The following STRN3 variants were observed in gnomAD, a reference collection of about 807,000 sequenced individuals.
The protein encoded by STRN3 is striatin-3.
Under a neutral mutation model 95.6 loss-of-function variants are expected in STRN3, and 29 were observed. The observed-to-expected ratio is 0.30, with a 90% confidence interval of 0.23 to 0.41. The LOEUF is 0.41. Among genes scored for constraint, STRN3 ranks in the 10% least tolerant of loss-of-function variants. The pLI, the probability that STRN3 is intolerant of heterozygous loss-of-function variation, is 1.00. For synonymous variants in STRN3, 331 were observed against 357.6 expected, an observed-to-expected ratio of 0.93 and a Z score of 0.84; for missense variants, 890 against 972.1, an observed-to-expected ratio of 0.92 and a Z score of 1.12.
Position 30,943,483 on chromosome 14 carries a change from C to T in STRN3, c.716+3607G>A, listed in dbSNP as rs555786929. Among the ~76,000 whole-genome samples, 9 of 152,092 alleles carry T rather than the reference C, an allele frequency of 5.9e-5. 1 individual carries two copies. Among genetic ancestry groups the T allele is most frequent in the African/African-American group, 1.9e-4 (8 of 41,500 alleles). On this transcript the variant is annotated intron_variant, in intron 5 of 17. Coordinates refer to ENST00000357479, the MANE Select transcript of STRN3 (RefSeq NM_001083893.2). The stretch of plus-strand genomic sequence containing the variant: ...GGTGTGGTGGCATGTGGCTGTAGTC[C>T]CAGCTACTCTGGAGGCTGAAGTGGG...
At position 31,026,129 on chromosome 14, in the gene STRN3, C is replaced by T. The variant is rs1196736598; in HGVS notation, c.57G>A (p.Arg19=). Residue 19 remains arginine, a synonymous_variant, in exon 1 of 18, where the codon CGG becomes CGA. Transcript: ENST00000357479. ...GGTTCCCCCCAGGTCCCTGCTGCTGCCGGGGAGGGGCCGCCATCCCCGGGC... is the reference window on the plus strand; with the variant it reads ...GGTTCCCCCCAGGTCCCTGCTGCTGTCGGGGAGGGGCCGCCATCCCCGGGC... ...GGGPGMAAPP[R]QQQGPGGNLG... The T allele has an allele frequency of 4.0e-6, 6 of 1,499,566 alleles. No homozygotes were observed. The South Asian group carries it at 7.5e-5, about 19-fold the overall frequency. 92.9% of individuals were successfully genotyped at this position (1,499,566 alleles called of 1,614,324 possible). A position where few individuals can be genotyped will look rare whatever the true frequency, so the allele number is the denominator to read the frequency against.
At chr14:30,992,733 G>C (rs1882022220) in intron 1 of STRN3, among the ~76,000 whole-genome samples, 1 of 152,052 alleles carries the variant, frequency 6.6e-6, no homozygotes, top group African/African-American at 2.4e-5. Context: ...GAGTAAACTG[G>C]CCAGGTACAG....
chr14:30,911,672 C>G (rs116641230), intron 12 of STRN3, 105 bp downstream of exon 12: 8 of 1,024,702 alleles, frequency 7.8e-6, no homozygotes, highest in Non-Finnish European at 1.1e-5. Context: ...AGTAATACAT[C>G]TTTTCTAATA....
chr14:30,914,510 G>T (rs1896687257), intron 9 of STRN3, among the ~76,000 whole-genome samples: 1 of 151,962 alleles, frequency 6.6e-6, no homozygotes, highest in Non-Finnish European at 1.5e-5. Context: ...CCGCCACCAC[G>T]CCCGGCTAAT....
chr14:30,959,823 A>T (rs1445634644), intron 1 of STRN3, among the ~76,000 whole-genome samples: 1 of 151,900 alleles, frequency 6.6e-6, no homozygotes, highest in African/African-American at 2.4e-5. Context: ...AGTAACTAGG[A>T]AAAAACCACC....
In STRN3 at chr14:30,947,378, C is replaced by T. The variant is rs1425440953; in HGVS notation, c.543-115G>A. Reference sequence around the variant, plus strand: ...TATAAAATATGCTCTCCCTTTGTCTCAGTATCTTTCTTCTCTACAGACTAG... The same window carrying T: ...TATAAAATATGCTCTCCCTTTGTCTTAGTATCTTTCTTCTCTACAGACTAG... On this transcript the variant is annotated intron_variant, in intron 4 of 17. Transcript: ENST00000357479. 3.9e-6 allele frequency: 3 copies of T among 779,192 alleles called. No individual in the cohort carries two copies. The African/African-American group carries it at 5.4e-5, about 14-fold the overall frequency. 48.3% of individuals were successfully genotyped at this position (779,192 alleles called of 1,614,324 possible).
intron 1 of STRN3, among the ~76,000 whole-genome samples, chr14:31,017,368 G>A (rs966467071): frequency 2.1e-5 from 3 of 143,232 alleles, no homozygotes; most frequent in African/African-American, 5.2e-5. Context: ...GCGTGGTGGC[G>A]GGTGCCTGTA....
chr14:30,935,246 A>G lies in STRN3; in HGVS notation c.905T>C (p.Leu302Pro). 2 of 1,614,120 alleles carry G rather than the reference A, an allele frequency of 1.2e-6. No individual in the cohort carries two copies. The highest frequency in any genetic ancestry group is 1.7e-6 in the Non-Finnish European group (2 of 1,180,004). Reference sequence around the variant, plus strand: ...AGTCACTAAAAAATCAAATTCTTTCAGTGCTTCCTCAGTATCAGGATCGTC... The same window carrying G: ...AGTCACTAAAAAATCAAATTCTTTCGGTGCTTCCTCAGTATCAGGATCGTC... ...LTDDPDTEEA[L>P]KEFDFLVTAE... is the part of the protein sequence containing the mutation. The change falls in exon 7 of 18, where the codon CTG (leucine) becomes CCG (proline). Residue 302 changes from leucine (L) to proline (P), a missense_variant. Leu to Pro is a moderately conservative substitution (Grantham distance 98). This residue lies in a region of STRN3 where 526 missense variants were observed against 526.3 expected (regional missense o/e 1.00). Coordinates refer to ENST00000357479, the MANE Select transcript of STRN3 (RefSeq NM_001083893.2).
chr14:30,907,344 C>G (rs944867955), intron 13 of STRN3, among the ~76,000 whole-genome samples: 12 of 151,318 alleles, frequency 7.9e-5, no homozygotes, highest in African/African-American at 2.9e-4. Context: ...ATACAACTCT[C>G]TCATTTAAAG....
chr14:31,005,976 G>C (rs1882690152), intron 1 of STRN3, among the ~76,000 whole-genome samples: 1 of 151,994 alleles, frequency 6.6e-6, no homozygotes, highest in Non-Finnish European at 1.5e-5. Context: ...AATTAGCCAG[G>C]TGTGGTGGCA....
chr14:30,964,867 C>T (rs960713858), intron 1 of STRN3, among the ~76,000 whole-genome samples: 3 of 150,572 alleles, frequency 2.0e-5, no homozygotes, highest in East Asian at 2.0e-4. Context: ...TGCAGTGAGC[C>T]GAGATAGCAC....
intron 3 of STRN3, among the ~76,000 whole-genome samples, chr14:30,951,604 G>A (rs1879644673): frequency 6.6e-6 from 1 of 151,980 alleles, no homozygotes; most frequent in Non-Finnish European, 1.5e-5. Flanking sequence ...TATTATATGA[G>A]CTATTCAAAA....
chr14:30,978,195 T>C (rs1181814136), intron 1 of STRN3, among the ~76,000 whole-genome samples: 1 of 151,578 alleles, frequency 6.6e-6, no homozygotes, highest in Non-Finnish European at 1.5e-5. Context: ...ACCAGAAAAA[T>C]GTACTAGAAG....
At chr14:30,937,307 A>T (rs534658194) in intron 5 of STRN3, among the ~76,000 whole-genome samples, 2 of 152,278 alleles carry the variant, frequency 1.3e-5, no homozygotes, top group Non-Finnish European at 2.9e-5. Context: ...AGCAAGACCC[A>T]GTCTCAAAAT....
chr14:30,966,174 G>A (rs1038819719), intron 1 of STRN3, among the ~76,000 whole-genome samples: 2 of 149,962 alleles, frequency 1.3e-5, no homozygotes, highest in African/African-American at 2.5e-5. Context: ...TAGCCTGTGC[G>A]TCTAACCCTA....
intron 16 of STRN3, among the ~76,000 whole-genome samples, chr14:30,898,858 T>C (rs1896229325): frequency 6.6e-6 from 1 of 152,204 alleles, no homozygotes; most frequent in Admixed American, 6.5e-5. Context: ...GCTAACACTG[T>C]GGGCCTCTAT....
chr14:30,999,707 C>T lies in STRN3; in HGVS notation c.282+26197G>A, dbSNP rs1174942113. Among the ~76,000 whole-genome samples, 3 of 152,004 alleles carry T rather than the reference C, an allele frequency of 2.0e-5. No homozygotes were observed. In the East Asian group the frequency reaches 5.8e-4, roughly 29 times the overall value. On this transcript the variant is annotated intron_variant, in intron 1 of 17. Transcript: ENST00000357479. ...ACACCATTAAGTATACCAACATATG[C>T]ATGATGAGAATCAAGGAAGGAAAGA...
intron 1 of STRN3, among the ~76,000 whole-genome samples, chr14:30,968,871 A>G (rs1022732256): frequency 2.0e-5 from 3 of 152,196 alleles, no homozygotes; most frequent in Non-Finnish European, 2.9e-5. Context: ...GCGTGTAAGG[A>G]AAGTAAAATA....
chr14:31,021,875 G>A (rs1883523932), intron 1 of STRN3, among the ~76,000 whole-genome samples: 2 of 152,124 alleles, frequency 1.3e-5, no homozygotes, highest in South Asian at 2.1e-4. Flanking sequence ...GGTAGTGGAG[G>A]AGCATAAAGA....
Sources: allele counts gnomAD v4.1 joint callset (sites outside exome capture counted in the v4.1 genomes callset), GRCh38; gene constraint gnomAD v4.1.1; regional missense constraint gnomAD v4.1.1; transcripts MANE v1.5; gene names NCBI Gene and HGNC (gene_info 2026-07-23, HGNC 2026-07-21).